FLT3: variants seen among roughly 807,000 people sequenced by gnomAD.
FLT3 encodes the protein fms related receptor tyrosine kinase 3, also known as receptor-type tyrosine-protein kinase FLT3.
FLT3 carries 46 observed loss-of-function variants against 126.6 expected under a neutral mutation model. That is an observed-to-expected ratio of 0.36 (90% CI 0.29 to 0.46). The LOEUF is 0.46. Ranked by LOEUF, FLT3 falls within the 20% of genes least tolerant of loss-of-function variation. FLT3 has a pLI of 1.00. For synonymous variants in FLT3, 404 were observed against 434.4 expected (o/e 0.93, Z 0.87); for missense variants, 1,069 against 1,190.3 (o/e 0.90, Z 1.50).
intron 2 of FLT3, among the ~76,000 whole-genome samples, chr13:28,066,681 A>G (rs1382865360): frequency 1.3e-5 from 2 of 152,188 alleles, no homozygotes; most frequent in African/African-American, 4.8e-5. Flanking sequence ...AAATACATAA[A>G]TAAAATGAGG....
intron 16 of FLT3, 135 bp from the exon 17 acceptor site, chr13:28,027,376 C>A: frequency 1.8e-6 from 1 of 559,466 alleles, no homozygotes; most frequent in South Asian, 3.1e-5. Context: ...TTTTCTGAGC[C>A]TAGCTCTTCT....
In FLT3 at chr13:28,006,810, G is replaced by GATC. The variant is rs540265594; in HGVS notation, c.2860-2639_2860-2637dup. Among the ~76,000 whole-genome samples, 497 of 148,660 alleles carry GATC rather than the reference G, an allele frequency of 3.3e-3. 2 individuals carry two copies. Among genetic ancestry groups the GATC allele is most frequent in the African/African-American group, 0.011 (437 of 40,390 alleles). ...TGCCCAGGCTGGAGTGTTGTGGCATGATCTCAGCTCACAGCAACCTCTGCC... is the reference window on the plus strand; with the variant it reads ...TGCCCAGGCTGGAGTGTTGTGGCATGATCATCTCAGCTCACAGCAACCTCTGCC... On this transcript the variant is annotated intron_variant, in intron 23 of 23. Transcript: ENST00000241453.
In FLT3 at chr13:28,037,230, T is replaced by G. The variant is rs1873916749; in HGVS notation, c.1264A>C (p.Asn422His). The G allele has an allele frequency of 3.7e-6, 6 of 1,611,880 alleles. No individual in the cohort carries two copies. The highest frequency in any genetic ancestry group is 4.2e-6 in the Non-Finnish European group (5 of 1,178,106). The change falls in exon 10 of 24, where the codon AAT becomes CAT. Residue 422 changes from asparagine to histidine, a missense_variant. Transcript: ENST00000241453. ...ATTTTGGTAAATTGGGCATCATCAT[T>G]TTCTGCATGGAATATATATTCTCCT... ...QPGEYIFHAE[N>H]DDAQFTKMFT... is the part of the protein sequence containing the mutation.
At chr13:28,047,161 G>C (rs1193450369) in intron 9 of FLT3, among the ~76,000 whole-genome samples, 4 of 152,126 alleles carry the variant, frequency 2.6e-5, no homozygotes, top group African/African-American at 9.7e-5. Context: ...TGGGAGCCAG[G>C]AATCCACATT....
intron 4 of FLT3, among the ~76,000 whole-genome samples, chr13:28,053,835 T>C (rs1257713911): frequency 6.6e-6 from 1 of 152,074 alleles, no homozygotes; most frequent in Non-Finnish European, 1.5e-5. Context: ...TTTCTTGCAG[T>C]AGACATTTGG....
At position 28,100,091 on chromosome 13, in the gene FLT3, C is replaced by A. The variant is rs563228454; in HGVS notation, c.43+377G>T. 2.0e-5 allele frequency among the ~76,000 whole-genome samples: 3 copies of A among 152,250 alleles called. No homozygotes were observed. Among genetic ancestry groups the A allele is most frequent in the South Asian group, 2.1e-4 (1 of 4,830 alleles). ...CCAGGAGAGGTCCTTGGCCACCTGG[C>A]GCCGAGTTCGCGGCCGCAGACTCCC... is the stretch of plus-strand genomic sequence containing the variant. On this transcript the variant is annotated intron_variant, in intron 1 of 23. Coordinates refer to ENST00000241453, the MANE Select transcript of FLT3 (RefSeq NM_004119.3). The surrounding 1 kb of genome is among the most constrained non-coding windows in gnomAD (Gnocchi z 4.8).
At chr13:28,017,709 G>A (rs1872002188) in intron 20 of FLT3, among the ~76,000 whole-genome samples, 1 of 145,570 alleles carries the variant, frequency 6.9e-6, no homozygotes, top group South Asian at 2.2e-4. Context: ...TTGTTGCCCA[G>A]GCTGGAGTGC....
At chr13:28,073,124 T>C (rs1877672064) in intron 1 of FLT3, among the ~76,000 whole-genome samples, 1 of 152,098 alleles carries the variant, frequency 6.6e-6, no homozygotes, top group Admixed American at 6.6e-5. Context: ...GTGGATTGCT[T>C]GAGGCCAGGA....
At chr13:28,035,381 C>G (rs1201052165) in intron 12 of FLT3, 114 bp downstream of exon 12, 1 of 980,528 alleles carries the variant, frequency 1.0e-6, no homozygotes, top group East Asian at 2.5e-5. Flanking sequence ...AACCTTTTCT[C>G]ACACACTGAC....
chr13:28,058,756 T>C (rs1462180410), intron 3 of FLT3, among the ~76,000 whole-genome samples: 1 of 152,236 alleles, frequency 6.6e-6, no homozygotes, highest in Non-Finnish European at 1.5e-5. Context: ...GCAGGTTCAA[T>C]AGAACATGGG....
At chr13:28,021,796 G>A (rs945786566) in intron 19 of FLT3, among the ~76,000 whole-genome samples, 4 of 151,056 alleles carry the variant, frequency 2.6e-5, no homozygotes, top group Admixed American at 6.6e-5. Flanking sequence ...AGGCTGGAGT[G>A]CAGTGGCGCC....
chr13:28,058,296 C>T (rs529616600), intron 3 of FLT3, among the ~76,000 whole-genome samples: 2 of 150,980 alleles, frequency 1.3e-5, no homozygotes, highest in East Asian at 3.9e-4. Flanking sequence ...GGGTGGATCA[C>T]CTGAGGTCGG....
At chr13:28,049,576 C>T (rs1461878514) in intron 7 of FLT3, 39 bp from the exon 8 acceptor site, 2 of 1,612,658 alleles carry the variant, frequency 1.2e-6, no homozygotes, top group Non-Finnish European at 1.7e-6. Context: ...TTAATGTTTT[C>T]AATCCAGACT....
chr13:28,022,426 T>A lies in FLT3; in HGVS notation c.2418+924A>T, dbSNP rs574127103. Among the ~76,000 whole-genome samples, 9 of 152,122 alleles carry A rather than the reference T, an allele frequency of 5.9e-5. 1 individual carries two copies. In the South Asian group the frequency reaches 1.9e-3, roughly 32 times the overall value. On this transcript the variant is annotated intron_variant, in intron 19 of 23. Transcript: ENST00000241453. ...ACACGGAAGGCCGAGGCATGAGAAT[T>A]GCTTGAACCCAGGAAGCAGAGGTTG...
chr13:28,077,458 T>C (rs56154811), intron 1 of FLT3, among the ~76,000 whole-genome samples: 2 of 152,258 alleles, frequency 1.3e-5, no homozygotes, highest in Non-Finnish European at 2.9e-5. Flanking sequence ...GTGAGACTTA[T>C]TCCCATCAAA....
chr13:28,076,472 A>C (rs948399100), intron 1 of FLT3, among the ~76,000 whole-genome samples: 1 of 152,298 alleles, frequency 6.6e-6, no homozygotes, highest in East Asian at 1.9e-4. Flanking sequence ...CAAGACCAAA[A>C]GCCTCAAAAC....
chr13:28,060,714 C>T (rs192346139), intron 3 of FLT3, among the ~76,000 whole-genome samples: 139 of 152,126 alleles, frequency 9.1e-4, no homozygotes, highest in African/African-American at 3.0e-3. Context: ...AAGCTATTCT[C>T]CTGCCTCAGC....
At chr13:28,099,714 C>G (rs1190096988) in intron 1 of FLT3, among the ~76,000 whole-genome samples, 1 of 152,090 alleles carries the variant, frequency 6.6e-6, no homozygotes, top group Non-Finnish European at 1.5e-5. Context: ...TGACGCGAAC[C>G]GATGGGAAGA....
chr13:28,045,934 C>CAAAAAAAAA (rs57916548), intron 9 of FLT3, among the ~76,000 whole-genome samples: 1 of 122,798 alleles, frequency 8.1e-6, no homozygotes, highest in African/African-American at 3.2e-5. Context: ...CAATGGTTCT[C>CAAAAAAAAA]AAAAAAAAAA....
Sources: gnomAD v4.1 joint callset for allele counts (sites outside exome capture counted in the v4.1 genomes callset) on GRCh38, gnomAD v4.1.1 for gene constraint, Gnocchi (gnomAD v3.1) non-coding constraint, MANE v1.5 for transcripts, NCBI Gene and HGNC (gene_info 2026-07-23, HGNC 2026-07-21) for gene names.